NKX2-6: variants seen among roughly 807,000 people sequenced by gnomAD.
NKX2-6 encodes homeobox protein Nkx-2.6.
NKX2-6 carries 8 observed loss-of-function variants against 8.6 expected under a neutral mutation model. The ratio of observed to expected loss-of-function variants is 0.93; its 90% confidence interval spans 0.54 to 1.67. The LOEUF is 1.67. Ranked by LOEUF, NKX2-6 falls within the 40% of genes most tolerant of loss-of-function variation. NKX2-6 has a pLI of 0.00. For synonymous variants in NKX2-6, 210 were observed against 199.3 expected (o/e 1.05, Z -0.45); for missense variants, 475 against 423.1 (o/e 1.12, Z -1.08).
rs1801035587 is a variant in NKX2-6 at position 23,703,073 on chromosome 8, A to C, written c.284T>G (p.Leu95Arg). The C allele has an allele frequency of 6.5e-7, 1 of 1,539,896 alleles. No individual in the cohort carries two copies. The highest frequency in any genetic ancestry group is 2.0e-5 in the Admixed American group (1 of 50,894). ...AERMGEPQPG[L>R]NAASPLGGGT... ...GCCGCCGAGGGGCGAGGCCGCGTTC[A>C]GGCCGGGCTCTAAAAGCACAGGAAG... The change falls in exon 2 of 2, where the codon CTG becomes CGG. Residue 95 changes from leucine to arginine, a missense_variant. By Grantham distance (102) the Leu-to-Arg change is moderately radical. Transcript: ENST00000325017.
chr8:23,703,815 C>G (rs1230187879), intron 1 of NKX2-6, among the ~76,000 whole-genome samples: 3 of 151,932 alleles, frequency 2.0e-5, no homozygotes, highest in Non-Finnish European at 4.4e-5. Context: ...ACTTTGGACC[C>G]TCCTTGGAAG....
Position 23,706,437 on chromosome 8 carries a change from C to A in NKX2-6, c.162G>T (p.Glu54Asp), listed in dbSNP as rs1450454303. 11 of 1,549,252 alleles carry A rather than the reference C, an allele frequency of 7.1e-6. 1 individual carries two copies. In the South Asian group the frequency reaches 1.2e-4, roughly 17 times the overall value. ...LRMDAEPRGS[E>D]VHNAGGGGGD... ...CGCCGCCGCCACCAGCGTTGTGAAC[C>A]TCTGACCCTCGCGGCTCTGCGTCCA... Residue 54 changes from glutamate to aspartate, a missense_variant, in exon 1 of 2, where the codon GAG (glutamate) becomes GAT (aspartate). Transcript: ENST00000325017.
At chr8:23,703,621 G>A (rs1042359575) in intron 1 of NKX2-6, among the ~76,000 whole-genome samples, 1 of 152,150 alleles carries the variant, frequency 6.6e-6, no homozygotes, top group Non-Finnish European at 1.5e-5. Flanking sequence ...GCGTGAACCC[G>A]GGAGGCGGAG....
At chr8:23,703,714 A>C (rs77421358) in intron 1 of NKX2-6, among the ~76,000 whole-genome samples, 4 of 1,928 alleles carry the variant, frequency 2.1e-3, no homozygotes, top group East Asian at 0.059. Context: ...AACAAACAAA[A>C]AACAAACAAA....
chr8:23,706,698 C>T lies in NKX2-6; in HGVS notation c.-100G>A. The T allele has an allele frequency of 7.7e-7, 1 of 1,292,206 alleles. No homozygotes were observed. The highest frequency in any genetic ancestry group is 2.6e-5 in the Admixed American group (1 of 39,198). 80.0% of individuals were successfully genotyped at this position (1,292,206 alleles called of 1,614,324 possible). A position where few individuals can be genotyped will look rare whatever the true frequency, so the allele number is the denominator to read the frequency against. ...CAGGCCCCGCAGACAGACCCAAGCT[C>T]TGGGACAGACGCCCAGCGTCCCAGA... On this transcript the variant is annotated 5_prime_UTR_variant, in exon 1 of 2. Transcript: ENST00000325017.
Position 23,702,616 on chromosome 8 carries a change from G to C in NKX2-6, c.741C>G (p.Tyr247Ter). 2 of 1,548,366 alleles carry C rather than the reference G, an allele frequency of 1.3e-6. No homozygotes were observed. The highest frequency in any genetic ancestry group is 1.7e-6 in the Non-Finnish European group (2 of 1,146,178). Residue 247 changes from tyrosine to a stop codon, truncating the protein, a stop_gained, in exon 2 of 2, where the codon TAC (tyrosine) becomes TAG (stop). Coordinates refer to ENST00000325017, the MANE Select transcript of NKX2-6 (RefSeq NM_001136271.3). LOFTEE classifies it low-confidence loss of function (END_TRUNC). ...AVSPYSCYGG[Y>*]SGAPYGAGYG... is the part of the protein sequence containing the mutation. ...AGCCTGCGCCGTAGGGTGCTCCGCT[G>C]TAGCCTCCGTAGCAAGAGTAGGGCG... is the stretch of plus-strand genomic sequence containing the variant.
rs1801025450 is a variant in NKX2-6 at position 23,702,730 on chromosome 8, A to G, written c.627T>C (p.Ala209=). The G allele has an allele frequency of 6.4e-7, 1 of 1,551,674 alleles. No homozygotes were observed. The highest frequency in any genetic ancestry group is 8.7e-7 in the Non-Finnish European group (1 of 1,146,956). The stretch of plus-strand genomic sequence containing the variant: ...TGCCATCGCGCACCAGGACGGGCAC[A>G]GCTACTCGGCGCGGCGTTAGAGGGT... ...AGHPLTPRRV[A]VPVLVRDGKP... Residue 209 remains alanine (A), a synonymous_variant, in exon 2 of 2, where the codon GCT becomes GCC. Transcript: ENST00000325017.
At chr8:23,703,163 T>G in intron 1 of NKX2-6, 81 bp from the exon 2 acceptor site, 1 of 1,452,118 alleles carries the variant, frequency 6.9e-7, no homozygotes, top group South Asian at 1.3e-5. Context: ...AAGACTTTCC[T>G]CTCCCTGGCA....
At position 23,702,960 on chromosome 8, in the gene NKX2-6, G is replaced by A. The variant is rs1223447855; in HGVS notation, c.397C>T (p.Arg133Trp). 3.9e-6 allele frequency: 6 copies of A among 1,546,666 alleles called. No homozygotes were observed. The highest frequency in any genetic ancestry group is 5.2e-6 in the Non-Finnish European group (6 of 1,145,568). Residue 133 changes from arginine to tryptophan, a missense_variant, in exon 2 of 2, where the codon CGG becomes TGG. Physicochemically the swap from Arg to Trp is moderately radical, Grantham distance 101. Transcript: ENST00000325017. ...RSEQPKARQRRKPRVLFSQAQ... is the reference protein window; with the variant it reads ...RSEQPKARQRWKPRVLFSQAQ... ...TGCGAAAAGAGCACGCGCGGCTTCC[G>A]TCGTTGCCGCGCCTTGGGCTGCTCC...
In NKX2-6 at chr8:23,702,679, G is replaced by T. The variant is rs763814874; in HGVS notation, c.678C>A (p.Gly226=). 6.4e-7 allele frequency: 1 copy of T among 1,550,866 alleles called. No homozygotes were observed. The highest frequency in any genetic ancestry group is 1.2e-5 in the South Asian group (1 of 83,994). ...TGTAGGGGCTGGGGAAGGCAGGTGC[G>T]CCGGGCCCGGGGCCCAGGCAGGGCT... ...DGKPCLGPGP[G]APAFPSPYSA... is the part of the protein sequence containing the mutation. Residue 226 remains glycine, a synonymous_variant, in exon 2 of 2, where the codon GGC becomes GGA. Coordinates refer to ENST00000325017, the MANE Select transcript of NKX2-6 (RefSeq NM_001136271.3).
In NKX2-6 at chr8:23,702,772, C is replaced by T. The variant is rs1437801996; in HGVS notation, c.585G>A (p.Ser195=). 6.4e-7 allele frequency: 1 copy of T among 1,556,810 alleles called. No homozygotes were observed. Among genetic ancestry groups the T allele is most frequent in the Non-Finnish European group, 8.7e-7 (1 of 1,149,818 alleles). ...TTAGAGGGTGGCCAGCCAGTTCCAG[C>T]GACTTGTCCTGGCGCTGTCTCTTGC... ...YKCKRQRQDK[S]LELAGHPLTP... Residue 195 remains serine (S), a synonymous_variant, in exon 2 of 2, where the codon TCG becomes TCA. Coordinates refer to ENST00000325017, the MANE Select transcript of NKX2-6 (RefSeq NM_001136271.3).
At position 23,702,821 on chromosome 8, in the gene NKX2-6, C is replaced by T; in HGVS notation, c.536G>A (p.Trp179Ter). 6.4e-7 allele frequency: 1 copy of T among 1,573,054 alleles called. No homozygotes were observed. Among genetic ancestry groups the T allele is most frequent in the African/African-American group, 1.3e-5 (1 of 74,136 alleles). ...GCATTTGTAGCGTCGGTTCTGGAACCAGATCTTGACCTGCGTGGACGTGAG... is the reference window on the plus strand; with the variant it reads ...GCATTTGTAGCGTCGGTTCTGGAACTAGATCTTGACCTGCGTGGACGTGAG... ...LQLTSTQVKI[W>*]FQNRRYKCKR... Residue 179 changes from tryptophan (W) to a stop codon, truncating the protein, a stop_gained, in exon 2 of 2, where the codon TGG becomes TAG. Transcript: ENST00000325017. LOFTEE classifies it low-confidence loss of function (END_TRUNC).
chr8:23,702,436 T>C lies in NKX2-6; in HGVS notation c.*15A>G, dbSNP rs1453375257. ...GAGCATCTGGCCCTGGTTGGCAGAG[T>C]CAAGCCGAGGAGCCTCACCAGGCCC... On this transcript the variant is annotated 3_prime_UTR_variant, in exon 2 of 2. Coordinates refer to ENST00000325017, the MANE Select transcript of NKX2-6 (RefSeq NM_001136271.3). 1 of 1,436,388 alleles carries C rather than the reference T, an allele frequency of 7.0e-7. No homozygotes were observed. The highest frequency in any genetic ancestry group is 2.7e-5 in the Admixed American group (1 of 36,894). The allele number at this position is 1,436,388 out of a possible 1,614,324, so 89.0% of individuals were successfully genotyped here.
chr8:23,706,474 T>G lies in NKX2-6; in HGVS notation c.125A>C (p.Gln42Pro). The G allele has an allele frequency of 1.3e-6, 2 of 1,543,542 alleles. No individual in the cohort carries two copies. Among genetic ancestry groups the G allele is most frequent in the African/African-American group, 2.7e-5 (2 of 73,192 alleles). ...CGGCTCTGCGTCCATTCTCAGGTAC[T>G]GAAAGTTTTCCGGGCTCTTCCGCAC... ...PRVRKSPENF[Q>P]YLRMDAEPRG... The change falls in exon 1 of 2, where the codon CAG (glutamine) becomes CCG (proline). Residue 42 changes from glutamine (Q) to proline (P), a missense_variant. Gln to Pro is a moderately conservative substitution (Grantham distance 76). Transcript: ENST00000325017.
At chr8:23,705,329 C>G (rs1432746112) in intron 1 of NKX2-6, among the ~76,000 whole-genome samples, 1 of 152,200 alleles carries the variant, frequency 6.6e-6, no homozygotes, top group Non-Finnish European at 1.5e-5. Context: ...CCGATCTAGC[C>G]CCTTGGTTTA....
At chr8:23,704,938 G>A (rs1420803520) in intron 1 of NKX2-6, among the ~76,000 whole-genome samples, 2 of 152,204 alleles carry the variant, frequency 1.3e-5, no homozygotes, top group Admixed American at 1.3e-4. Flanking sequence ...AAGGCATGAA[G>A]CCCACCGAAG....
chr8:23,701,994 G>T lies in NKX2-6; in HGVS notation c.*457C>A, dbSNP rs1039894149. Among the ~76,000 whole-genome samples the T allele has an allele frequency of 2.0e-5, 3 of 146,842 alleles. No homozygotes were observed. The highest frequency in any genetic ancestry group is 6.7e-5 in the Admixed American group (1 of 14,828). ...TTCCCAGCTCTTCAGCCCCCTTCCC[G>T]CCCTCCCGTCCTCTTCTCTTTCTTC... On this transcript the variant is annotated 3_prime_UTR_variant, in exon 2 of 2. Transcript: ENST00000325017.
At position 23,706,718 on chromosome 8, in the gene NKX2-6, C is replaced by T. The variant is rs1227310497; in HGVS notation, c.-120G>A. 2.6e-6 allele frequency: 3 copies of T among 1,168,260 alleles called. No homozygotes were observed. Among genetic ancestry groups the T allele is most frequent in the East Asian group, 2.6e-5 (1 of 38,970 alleles). The allele number at this position is 1,168,260 out of a possible 1,614,324, so 72.4% of individuals were successfully genotyped here. On this transcript the variant is annotated 5_prime_UTR_variant, in exon 1 of 2. Transcript: ENST00000325017. ...AAGCTCTGGGACAGACGCCCAGCGT[C>T]CCAGACAGCGCCTTCCTCTGGGCCA...
Position 23,706,714 on chromosome 8 carries a change from G to C in NKX2-6, c.-116C>G. The C allele has an allele frequency of 8.3e-7, 1 of 1,210,764 alleles. No homozygotes were observed. Among genetic ancestry groups the C allele is most frequent in the East Asian group, 2.6e-5 (1 of 39,174 alleles). 75.0% of individuals were successfully genotyped at this position (1,210,764 alleles called of 1,614,324 possible). A position where few individuals can be genotyped will look rare whatever the true frequency, so the allele number is the denominator to read the frequency against. ...ACCCAAGCTCTGGGACAGACGCCCA[G>C]CGTCCCAGACAGCGCCTTCCTCTGG... On this transcript the variant is annotated 5_prime_UTR_variant, in exon 1 of 2. Transcript: ENST00000325017.
Sources: gnomAD v4.1 joint callset for allele counts (sites outside exome capture counted in the v4.1 genomes callset) on GRCh38, gnomAD v4.1.1 for gene constraint, MANE v1.5 for transcripts, NCBI Gene and HGNC (gene_info 2026-07-23, HGNC 2026-07-21) for gene names.